Variants in SHANK2 observed in about 807,000 individuals in gnomAD.
The protein encoded by SHANK2 is SH3 and multiple ankyrin repeat domains protein 2.
SHANK2 carries 43 observed loss-of-function variants against 133.7 expected under a neutral mutation model. That is an observed-to-expected ratio of 0.32 (90% confidence interval 0.25 to 0.41). The LOEUF (loss-of-function observed/expected upper bound fraction) is 0.41, where lower values mean the gene tolerates loss of function less well. SHANK2 is among the 10% of genes least tolerant of loss of function. The pLI is 1.00. For synonymous variants in SHANK2, 1,017 were observed against 952.8 expected, an observed-to-expected ratio of 1.07 and a Z score of -1.24; for missense variants, 1,994 against 2,235.8, an observed-to-expected ratio of 0.89 and a Z score of 2.18.
chr11:71,154,627 C>A (rs555518534), intron 2 of SHANK2, among the ~76,000 whole-genome samples: 1 of 152,214 alleles, frequency 6.6e-6, no homozygotes, highest in African/African-American at 2.4e-5. Flanking sequence ...TGACACACTG[C>A]CCCAAATACT....
At chr11:71,196,287 GT>G (rs1212218355) in intron 2 of SHANK2, among the ~76,000 whole-genome samples, 1 of 151,864 alleles carries the variant, frequency 6.6e-6, no homozygotes, top group African/African-American at 2.4e-5. Context: ...CTGGTTTTTT[GT>G]TTTTTTCTTT....
intron 14 of SHANK2, among the ~76,000 whole-genome samples, chr11:70,792,382 A>C (rs554029709): frequency 7.1e-6 from 1 of 141,300 alleles, no homozygotes; most frequent in Admixed American, 7.4e-5. Flanking sequence ...CAACCAACCA[A>C]CCAGCCAACC....
At chr11:70,914,897 TAAAAAA>T (rs879975114) in intron 10 of SHANK2, among the ~76,000 whole-genome samples, 1 of 120,276 alleles carries the variant, frequency 8.3e-6, no homozygotes, top group African/African-American at 3.1e-5. Context: ...GACTCTGTCT[TAAAAAA>T]AAAAAAAAGA....
chr11:71,115,866 G>A (rs1018640808), intron 4 of SHANK2, among the ~76,000 whole-genome samples: 3 of 152,304 alleles, frequency 2.0e-5, no homozygotes, highest in Middle Eastern at 3.4e-3. Context: ...TGTAAGGTCC[G>A]TGGGATCAGA....
At chr11:70,578,067 G>A (rs970675845) in intron 17 of SHANK2, among the ~76,000 whole-genome samples, 2 of 152,124 alleles carry the variant, frequency 1.3e-5, no homozygotes, top group Non-Finnish European at 1.5e-5. Context: ...CGTGTAAGCC[G>A]CCCAGTCTGT....
At chr11:70,603,364 T>A (rs1256479780) in intron 17 of SHANK2, 1 of 152,464 alleles carries the variant, frequency 6.6e-6, no homozygotes, top group Non-Finnish European at 1.5e-5. Context: ...CCTCCAGGCT[T>A]CCCTTCCTCC....
intron 17 of SHANK2, among the ~76,000 whole-genome samples, chr11:70,650,988 C>T (rs1438877852): frequency 6.6e-6 from 1 of 152,186 alleles, no homozygotes; most frequent in Non-Finnish European, 1.5e-5. Context: ...ATGCCAGAAA[C>T]TGCTACATGC....
intron 21 of SHANK2, among the ~76,000 whole-genome samples, chr11:70,498,501 A>G (rs1232693295): frequency 6.6e-6 from 1 of 152,148 alleles, no homozygotes; most frequent in African/African-American, 2.4e-5. Flanking sequence ...AGTCCCCTTC[A>G]TGTGCCCAGG....
At chr11:70,509,852 GGCCAGT>G (rs1469444442) in intron 17 of SHANK2, among the ~76,000 whole-genome samples, 4 of 152,192 alleles carry the variant, frequency 2.6e-5, no homozygotes, top group African/African-American at 9.7e-5. Flanking sequence ...CCAGTTTGCC[GGCCAGT>G]GCCATGATCT....
chr11:70,805,192 C>T (rs1184389993), intron 13 of SHANK2, among the ~76,000 whole-genome samples: 1 of 152,162 alleles, frequency 6.6e-6, no homozygotes, highest in Non-Finnish European at 1.5e-5. Context: ...CCTTGGGCAT[C>T]AGTGAGCTCC....
chr11:71,092,704 C>A, intron 7 of SHANK2, 115 bp from the exon 8 acceptor site: 1 of 964,688 alleles, frequency 1.0e-6, no homozygotes. Flanking sequence ...GCAACCCACA[C>A]CCTGAGTACC....
At chr11:71,221,494 T>C (rs1441232561) in intron 2 of SHANK2, among the ~76,000 whole-genome samples, 4 of 152,168 alleles carry the variant, frequency 2.6e-5, no homozygotes, top group Non-Finnish European at 5.9e-5. Flanking sequence ...GCATATCCTC[T>C]TGGGTCATGT....
chr11:70,846,880 C>T (rs1377754932), intron 11 of SHANK2, among the ~76,000 whole-genome samples: 5 of 152,166 alleles, frequency 3.3e-5, no homozygotes, highest in South Asian at 2.1e-4. Context: ...GGAGAGCCTT[C>T]GGTGCCTCCC....
intron 17 of SHANK2, among the ~76,000 whole-genome samples, chr11:70,597,693 C>T (rs782813618): frequency 1.3e-5 from 2 of 152,052 alleles, no homozygotes; most frequent in African/African-American, 2.4e-5. Flanking sequence ...GCCAACATGG[C>T]GAAACCTCAT....
intron 17 of SHANK2, among the ~76,000 whole-genome samples, chr11:70,504,877 G>A (rs780263084): frequency 2.0e-5 from 3 of 152,050 alleles, no homozygotes; most frequent in Non-Finnish European, 4.4e-5. Context: ...ACGCGTTATC[G>A]GGTTCTCTCC....
intron 14 of SHANK2, among the ~76,000 whole-genome samples, chr11:70,784,337 CG>C (rs1947591470): frequency 8.6e-6 from 1 of 116,794 alleles, no homozygotes; most frequent in African/African-American, 3.8e-5. Flanking sequence ...GCCACCACAC[CG>C]GCTAGTTTTT....
At chr11:70,770,542 G>A (rs1947226189) in intron 14 of SHANK2, among the ~76,000 whole-genome samples, 1 of 152,242 alleles carries the variant, frequency 6.6e-6, no homozygotes, top group Admixed American at 6.5e-5. Context: ...TGATGGCTGG[G>A]AAGTTACTTA....
At chr11:71,168,399 C>G (rs1489407369) in intron 2 of SHANK2, among the ~76,000 whole-genome samples, 1 of 149,164 alleles carries the variant, frequency 6.7e-6, no homozygotes, top group Non-Finnish European at 1.5e-5. Context: ...CGGGCAGAGA[C>G]GCTCCTCACT....
At position 70,486,036 on chromosome 11, in the gene SHANK2, A is replaced by G. The variant is rs1367965621; in HGVS notation, c.4257T>C (p.Asn1419=). ...EPLPPPLEFA[N]SFDIPDDRAA... ...CCCGGTCATCGGGGATATCAAAACTATTTGCAAATTCCAGGGGAGGAGGCA... is the reference window on the plus strand; with the variant it reads ...CCCGGTCATCGGGGATATCAAAACTGTTTGCAAATTCCAGGGGAGGAGGCA... The change falls in exon 25 of 26, where the codon AAT becomes AAC. Residue 1419 remains asparagine, a synonymous_variant. Coordinates refer to ENST00000601538, the MANE Select transcript of SHANK2 (RefSeq NM_012309.5). The surrounding 1 kb of genome is among the most constrained non-coding windows in gnomAD (Gnocchi z 8.0). 1.9e-6 allele frequency: 3 copies of G among 1,613,910 alleles called. No homozygotes were observed. The African/African-American group carries it at 4.0e-5, about 22-fold the overall frequency.
Sources: gnomAD v4.1 joint callset for allele counts (sites outside exome capture counted in the v4.1 genomes callset) on GRCh38, gnomAD v4.1.1 for gene constraint, Gnocchi (gnomAD v3.1) non-coding constraint, MANE v1.5 for transcripts, NCBI Gene and HGNC (gene_info 2026-07-23, HGNC 2026-07-21) for gene names.